Variants in TMEM213 observed in about 807,000 individuals in gnomAD.
The protein encoded by TMEM213 is transmembrane protein 213.
In TMEM213, 7 loss-of-function variants were observed where a neutral mutation model predicts 11.6. That is an observed-to-expected ratio of 0.60 (90% CI 0.34 to 1.13). The LOEUF (loss-of-function observed/expected upper bound fraction) is 1.13, where lower values mean the gene tolerates loss of function less well. TMEM213 is among the 50% of genes most tolerant of loss of function. TMEM213 has a pLI of 0.03. For missense variants in TMEM213, 129 were observed against 139.0 expected, an observed-to-expected ratio of 0.93 and a Z score of 0.36; for synonymous variants, 60 against 58.3, an observed-to-expected ratio of 1.03 and a Z score of -0.13.
At chr7:138,801,246 A>T in intron 1 of TMEM213, 81 bp from the exon 2 acceptor site, 1 of 1,315,038 alleles carries the variant, frequency 7.6e-7, no homozygotes. Flanking sequence ...CTCACTACTG[A>T]TTTACAAAAA....
intron 1 of TMEM213, chr7:138,799,553 A>G (rs1481607565): frequency 6.6e-6 from 1 of 152,228 alleles, no homozygotes; most frequent in Non-Finnish European, 1.5e-5. Context: ...ATTTTCACCT[A>G]TAACAATGGC....
In TMEM213 at chr7:138,798,212, C is replaced by T. The variant is rs780992468; in HGVS notation, c.82+26C>T. ...GTAGCGTTATGAGCTTTATTCATGG[C>T]CAGGCTGGGAAGGGGGAGGGAAGGA... On this transcript the variant is annotated intron_variant, in intron 1 of 2. Coordinates refer to ENST00000442682, the MANE Select transcript of TMEM213 (RefSeq NM_001085429.2). 41 of 1,561,332 alleles carry T rather than the reference C, an allele frequency of 2.6e-5. 1 individual carries two copies. The South Asian group carries it at 4.5e-4, about 17-fold the overall frequency.
chr7:138,801,555 G>A, intron 2 of TMEM213, 157 bp downstream of exon 2: 1 of 682,698 alleles, frequency 1.5e-6, no homozygotes. Flanking sequence ...ACTATTTGCA[G>A]AGCAGGTCTG....
At position 138,804,831 on chromosome 7, in the gene TMEM213, G is replaced by C. The variant is rs1809050141; in HGVS notation, c.*1762G>C. 6.6e-6 allele frequency: 1 copy of C among 152,202 alleles called. No individual in the cohort carries two copies. Among genetic ancestry groups the C allele is most frequent in the Non-Finnish European group, 1.5e-5 (1 of 68,056 alleles). 9.4% of individuals were successfully genotyped at this position (152,202 alleles called of 1,614,324 possible). On this transcript the variant is annotated 3_prime_UTR_variant, in exon 3 of 3. Transcript: ENST00000442682. ...CACATCACTGTGAAACCTTGCAGAG[G>C]AGGAGAGGGCAGGTTCATCAGAAGA...
At chr7:138,800,604 C>G (rs1405934764) in intron 1 of TMEM213, among the ~76,000 whole-genome samples, 1 of 151,960 alleles carries the variant, frequency 6.6e-6, no homozygotes. Context: ...GGCCTCCCTC[C>G]TTGGGTTGCA....
rs2130274743 is a variant in TMEM213, at chr7:138,806,356, C to A, written c.*3287C>A. 1 of 152,170 alleles carries A rather than the reference C, an allele frequency of 6.6e-6. No homozygotes were observed. The highest frequency in any genetic ancestry group is 2.1e-4 in the South Asian group (1 of 4,806). The allele number at this position is 152,170 out of a possible 1,614,324, so 9.4% of individuals were successfully genotyped here. A position where few individuals can be genotyped will look rare whatever the true frequency, so the allele number is the denominator to read the frequency against. ...GAAACCCCACCTCTACAAAAAAATA[C>A]AAAAAAATTATTTGGGACTGGTGGC... On this transcript the variant is annotated 3_prime_UTR_variant, in exon 3 of 3. Transcript: ENST00000442682.
At chr7:138,800,168 T>G (rs1808884624) in intron 1 of TMEM213, among the ~76,000 whole-genome samples, 1 of 152,180 alleles carries the variant, frequency 6.6e-6, no homozygotes, top group Non-Finnish European at 1.5e-5. Flanking sequence ...TGAGTGGTGC[T>G]TCCAATATGG....
chr7:138,802,768 A>C (rs1808989022), intron 2 of TMEM213, 132 bp from the exon 3 acceptor site: 1 of 887,252 alleles, frequency 1.1e-6, no homozygotes, highest in Non-Finnish European at 1.6e-6. Flanking sequence ...CACGCAGCAC[A>C]GTGCATGGCA....
chr7:138,798,177 T>TGCATAAC lies in TMEM213; in HGVS notation c.75_76insATAACGC (p.Ser26IlefsTer78). 6.3e-7 allele frequency: 1 copy of TGCATAAC among 1,594,690 alleles called. No individual in the cohort carries two copies. The highest frequency in any genetic ancestry group is 8.5e-7 in the Non-Finnish European group (1 of 1,171,184). ...GGCCTTTGCCTCCCTCCACTCGGCT[T>TGCATAAC]GCTCGGCAGGTAGCGTTATGAGCTT... On this transcript the variant is annotated frameshift_variant, in exon 1 of 3. Coordinates refer to ENST00000442682, the MANE Select transcript of TMEM213 (RefSeq NM_001085429.2). LOFTEE classifies it high-confidence loss of function.
At chr7:138,801,234 TACTC>T in intron 1 of TMEM213, 89 bp from the exon 2 acceptor site, 1 of 1,149,490 alleles carries the variant, frequency 8.7e-7, no homozygotes, top group Non-Finnish European at 1.3e-6. Context: ...ACTTTCATAA[TACTC>T]ACTACTGATT....
chr7:138,806,755 A>G lies in TMEM213; in HGVS notation c.*3686A>G, dbSNP rs6976426. 35,741 of 152,220 alleles carry G rather than the reference A, an allele frequency of 0.23. 5,897 individuals are homozygous for G. The highest frequency in any genetic ancestry group is 0.48 in the African/African-American group (19,884 of 41,492). The allele number at this position is 152,220 out of a possible 1,614,324, so 9.4% of individuals were successfully genotyped here. A position where few individuals can be genotyped will look rare whatever the true frequency, so the allele number is the denominator to read the frequency against. On this transcript the variant is annotated 3_prime_UTR_variant, in exon 3 of 3. Transcript: ENST00000442682. ...CATATGTAGAAATAAAGTATTAAAT[A>G]TTAAGGTGTGGCATAATTATCTGAC...
chr7:138,801,625 A>G (rs1295277144), intron 2 of TMEM213: 7 of 552,842 alleles, frequency 1.3e-5, no homozygotes, highest in Non-Finnish European at 1.9e-5. Context: ...AGATTGCTTT[A>G]ATGACCCATC....
At position 138,806,704 on chromosome 7, in the gene TMEM213, T is replaced by C. The variant is rs933823380; in HGVS notation, c.*3635T>C. 3 of 152,238 alleles carry C rather than the reference T, an allele frequency of 2.0e-5. No homozygotes were observed. Among genetic ancestry groups the C allele is most frequent in the African/African-American group, 7.2e-5 (3 of 41,454 alleles). The allele number at this position is 152,238 out of a possible 1,614,324, so 9.4% of individuals were successfully genotyped here. A position where few individuals can be genotyped will look rare whatever the true frequency, so the allele number is the denominator to read the frequency against. ...TTTATGTAACACAGAGTCCATATTA[T>C]ATGGGGCATGTCTGTATCAAAATGT... On this transcript the variant is annotated 3_prime_UTR_variant, in exon 3 of 3. Transcript: ENST00000442682.
At position 138,801,365 on chromosome 7, in the gene TMEM213, CACCCAGACCCTGGG is replaced by C; in HGVS notation, c.126_139del (p.Asp43GlyfsTer54). 1 of 1,611,622 alleles carries C rather than the reference CACCCAGACCCTGGG, an allele frequency of 6.2e-7. No homozygotes were observed. The highest frequency in any genetic ancestry group is 8.5e-7 in the Non-Finnish European group (1 of 1,178,998). On this transcript the variant is annotated frameshift_variant, in exon 2 of 3. Coordinates refer to ENST00000442682, the MANE Select transcript of TMEM213 (RefSeq NM_001085429.2). LOFTEE classifies it high-confidence loss of function. ...CAACAGCTCAAGCTTGACCGCTCAC[CACCCAGACCCTGGG>C]ACCCTGGAGCAGTGCCTCAGTAAGC...
At chr7:138,801,954 A>G (rs1808961212) in intron 2 of TMEM213, 1 of 155,690 alleles carries the variant, frequency 6.4e-6, no homozygotes, top group African/African-American at 2.4e-5. Context: ...ACCTAAGGTC[A>G]GGAGTTTGAG....
At position 138,801,367 on chromosome 7, in the gene TMEM213, C is replaced by T; in HGVS notation, c.123C>T (p.His41=). The change falls in exon 2 of 3, where the codon CAC becomes CAT. Residue 41 remains histidine (H), a synonymous_variant. Coordinates refer to ENST00000442682, the MANE Select transcript of TMEM213 (RefSeq NM_001085429.2). ...SSNSSSLTAH[H]PDPGTLEQCL... ...ACAGCTCAAGCTTGACCGCTCACCA[C>T]CCAGACCCTGGGACCCTGGAGCAGT... 6.2e-7 allele frequency: 1 copy of T among 1,611,612 alleles called. No homozygotes were observed. The highest frequency in any genetic ancestry group is 2.2e-5 in the East Asian group (1 of 44,814).
intron 2 of TMEM213, among the ~76,000 whole-genome samples, chr7:138,802,000 T>C (rs1808962483): frequency 6.6e-6 from 1 of 151,694 alleles, no homozygotes. Flanking sequence ...CCTGTCTCTA[T>C]TAAAAATAGA....
chr7:138,798,099 T>G lies in TMEM213; in HGVS notation c.-6T>G, dbSNP rs1808777853. The G allele has an allele frequency of 1.3e-6, 2 of 1,594,624 alleles. No homozygotes were observed. Among genetic ancestry groups the G allele is most frequent in the African/African-American group, 2.7e-5 (2 of 74,514 alleles). On this transcript the variant is annotated 5_prime_UTR_variant, in exon 1 of 3. Transcript: ENST00000442682. ...CCTGCACCGGGCACTCAGCACAGCC[T>G]CCAGCATGCAGCGCCTCCCCGCTGC...
intron 2 of TMEM213, chr7:138,801,700 A>G (rs1263659641): frequency 1.0e-5 from 4 of 381,180 alleles, no homozygotes; most frequent in African/African-American, 6.0e-5. Flanking sequence ...TGGAAAGGCC[A>G]TAAGAAATCA....
Sources: gnomAD v4.1 joint callset for allele counts (sites outside exome capture counted in the v4.1 genomes callset) on GRCh38, gnomAD v4.1.1 for gene constraint, MANE v1.5 for transcripts, NCBI Gene and HGNC (gene_info 2026-07-23, HGNC 2026-07-21) for gene names.